Variants in ZNF423 observed in about 807,000 individuals in gnomAD.
The protein encoded by ZNF423 is Ebf-associated zinc finger protein.
A neutral mutation model predicts 95.8 loss-of-function variants in ZNF423; 12 were observed. The ratio of observed to expected loss-of-function variants is 0.13; its 90% CI spans 0.08 to 0.20. The LOEUF (loss-of-function observed/expected upper bound fraction) is 0.20, where lower values mean the gene tolerates loss of function less well. ZNF423 is among the 10% of genes least tolerant of loss of function. The probability of loss-of-function intolerance (pLI) is 1.00; values close to 1 mark genes in which losing one functional copy is unlikely to be tolerated. For synonymous variants in ZNF423, 749 were observed against 711.9 expected, an observed-to-expected ratio of 1.05 and a Z score of -0.83; for missense variants, 1,316 against 1,737.1, an observed-to-expected ratio of 0.76 and a Z score of 4.31.
chr16:49,612,220 A>T (rs1452092005), intron 5 of ZNF423, among the ~76,000 whole-genome samples: 1 of 152,048 alleles, frequency 6.6e-6, no homozygotes, highest in African/African-American at 2.4e-5. Context: ...ATAAACACAG[A>T]TACAAAAATC....
intron 2 of ZNF423, among the ~76,000 whole-genome samples, chr16:49,732,589 T>A (rs529272561): frequency 6.6e-6 from 1 of 152,212 alleles, no homozygotes; most frequent in Non-Finnish European, 1.5e-5. Context: ...TGTGTGTACA[T>A]GCAACATCAC....
chr16:49,773,357 G>A (rs2034068498), intron 2 of ZNF423, among the ~76,000 whole-genome samples: 1 of 152,050 alleles, frequency 6.6e-6, no homozygotes, highest in African/African-American at 2.4e-5. Context: ...AAAGCCATCA[G>A]ATTTTGTGAG....
At chr16:49,553,504 C>A (rs894800439) in intron 5 of ZNF423, among the ~76,000 whole-genome samples, 1 of 152,024 alleles carries the variant, frequency 6.6e-6, no homozygotes, top group Non-Finnish European at 1.5e-5. Context: ...GCACCACCCC[C>A]ACGGGCTATT....
rs569180152 is a variant in ZNF423, at chr16:49,776,070, A to G, written c.100+13417T>C. ...ACAGAGGCTTGGGCCATTTAGGGAG[A>G]GGAGATGCAGGAGCTCAGGTGACAG... On this transcript the variant is annotated intron_variant, in intron 2 of 7. Transcript: ENST00000563137. Among the ~76,000 whole-genome samples the G allele has an allele frequency of 4.6e-5, 7 of 152,220 alleles. No individual in the cohort carries two copies. In the South Asian group the frequency reaches 1.2e-3, roughly 27 times the overall value.
intron 1 of ZNF423, among the ~76,000 whole-genome samples, chr16:49,853,225 CG>C (rs2035320798): frequency 1.4e-5 from 2 of 138,842 alleles, no homozygotes; most frequent in Non-Finnish European, 3.0e-5. Flanking sequence ...AAGACCTTGT[CG>C]TTTCAAACAC....
intron 5 of ZNF423, among the ~76,000 whole-genome samples, chr16:49,571,724 G>A (rs539665253): frequency 1.8e-4 from 27 of 152,212 alleles, no homozygotes; most frequent in African/African-American, 5.5e-4. Flanking sequence ...AGAGCAGAGA[G>A]GATGCAGGTT....
intron 2 of ZNF423, among the ~76,000 whole-genome samples, chr16:49,769,990 A>G (rs1224672641): frequency 6.6e-6 from 1 of 151,712 alleles, no homozygotes; most frequent in African/African-American, 2.4e-5. Context: ...CCACCACTCT[A>G]TCTATCTGGT....
At chr16:49,753,313 G>A (rs2033665308) in intron 2 of ZNF423, among the ~76,000 whole-genome samples, 1 of 151,974 alleles carries the variant, frequency 6.6e-6, no homozygotes, top group South Asian at 2.1e-4. Context: ...AAACAAAGGT[G>A]ATAGGAGGCT....
chr16:49,537,491 C>T (rs1199606290), intron 5 of ZNF423, among the ~76,000 whole-genome samples: 2 of 152,186 alleles, frequency 1.3e-5, no homozygotes, highest in African/African-American at 4.8e-5. Flanking sequence ...TCAAACGCAA[C>T]ATGGAATAAA....
chr16:49,856,955 G>T (rs1274986266), upstream of ZNF423, among the ~76,000 whole-genome samples: 1 of 147,136 alleles, frequency 6.8e-6, no homozygotes, highest in African/African-American at 2.5e-5. Flanking sequence ...GTCCTCCTGG[G>T]CAGCGGCGGC....
intron 3 of ZNF423, among the ~76,000 whole-genome samples, chr16:49,674,793 G>A (rs1350905944): frequency 6.6e-6 from 1 of 152,204 alleles, no homozygotes; most frequent in African/African-American, 2.4e-5. Context: ...TCTGCGGTCT[G>A]AGTGAGATTT....
intron 1 of ZNF423, among the ~76,000 whole-genome samples, chr16:49,848,735 A>G (rs1325720329): frequency 6.6e-6 from 1 of 152,204 alleles, no homozygotes; most frequent in Non-Finnish European, 1.5e-5. Context: ...TGGCGAATAC[A>G]GGCTCTTGTC....
chr16:49,829,640 G>A (rs1214250401), intron 1 of ZNF423, among the ~76,000 whole-genome samples: 4 of 152,098 alleles, frequency 2.6e-5, no homozygotes, highest in Non-Finnish European at 4.4e-5. Context: ...CCGCTGCACA[G>A]GTTCACCACT....
At chr16:49,826,958 G>A (rs1024502064) in intron 1 of ZNF423, 13 of 152,122 alleles carry the variant, frequency 8.5e-5, no homozygotes, top group African/African-American at 2.2e-4. Context: ...GAGGGTCCCC[G>A]CTGCAACAGT....
intron 3 of ZNF423, among the ~76,000 whole-genome samples, chr16:49,663,534 T>A (rs1028854029): frequency 5.9e-5 from 9 of 152,270 alleles, no homozygotes; most frequent in Non-Finnish European, 1.3e-4. Flanking sequence ...GGATGGCTTT[T>A]TAGGTGGCAA....
intron 3 of ZNF423, among the ~76,000 whole-genome samples, chr16:49,644,658 CAAAAAAAAAAAAAAAAA>C (rs56066766): frequency 1.0e-3 from 41 of 39,578 alleles, no homozygotes; most frequent in East Asian, 1.3e-3. Flanking sequence ...AACTCTGACT[CAAAAAAAAAAAAAAAAA>C]AAAAAAAAAA....
chr16:49,832,038 T>C (rs1424721806), intron 1 of ZNF423, among the ~76,000 whole-genome samples: 1 of 151,756 alleles, frequency 6.6e-6, no homozygotes, highest in Non-Finnish European at 1.5e-5. Context: ...GCTTTCTTTG[T>C]TGCTTCTGAC....
intron 2 of ZNF423, among the ~76,000 whole-genome samples, chr16:49,747,653 AT>A (rs200164220): frequency 0.016 from 1,201 of 75,268 alleles, 6 homozygotes; most frequent in Non-Finnish European, 0.018. Flanking sequence ...GAGATATTTC[AT>A]TTAAAAAAAA....
intron 1 of ZNF423, chr16:49,854,180 A>AG: frequency 1.0e-6 from 1 of 985,414 alleles, no homozygotes; most frequent in Non-Finnish European, 1.2e-6. Context: ...GGAGCAGGCC[A>AG]GGCTGTCCCG....
Sources: gnomAD v4.1 joint callset for allele counts (sites outside exome capture counted in the v4.1 genomes callset) on GRCh38, gnomAD v4.1.1 for gene constraint, MANE v1.5 for transcripts, NCBI Gene and HGNC (gene_info 2026-07-23, HGNC 2026-07-21) for gene names.